ZBTB38: variants seen among roughly 807,000 people sequenced by gnomAD.
The protein encoded by ZBTB38 is zinc finger and BTB domain-containing protein 38.
In ZBTB38, 20 loss-of-function variants were observed where a neutral mutation model predicts 76.8. The observed-to-expected ratio is 0.26, with a 90% CI of 0.18 to 0.38. The LOEUF is 0.38. Ranked by LOEUF, ZBTB38 falls within the 10% of genes least tolerant of loss-of-function variation. The probability of loss-of-function intolerance (pLI) is 1.00; values close to 1 mark genes in which losing one functional copy is unlikely to be tolerated. For missense variants in ZBTB38, 1,082 were observed against 1,482.3 expected (o/e 0.73, Z 4.43); for synonymous variants, 504 against 544.2 (o/e 0.93, Z 1.03).
chr3:141,387,301 A>G (rs1441656039), intron 4 of ZBTB38: 2 of 152,098 alleles, frequency 1.3e-5, no homozygotes, highest in Non-Finnish European at 1.5e-5. Context: ...AAAAACAAAA[A>G]CAACAACAAC....
intron 1 of ZBTB38, among the ~76,000 whole-genome samples, chr3:141,351,971 T>C (rs1296811995): frequency 6.6e-6 from 1 of 152,096 alleles, no homozygotes; most frequent in Non-Finnish European, 1.5e-5. Context: ...GTTTTGTTTC[T>C]AGAGGTTTAC....
At chr3:141,338,293 CA>C (rs759922814) in intron 1 of ZBTB38, among the ~76,000 whole-genome samples, 1 of 151,740 alleles carries the variant, frequency 6.6e-6, no homozygotes, top group Non-Finnish European at 1.5e-5. Flanking sequence ...TTACTATACT[CA>C]AAAAAAATAC....
intron 5 of ZBTB38, among the ~76,000 whole-genome samples, chr3:141,437,921 AT>A (rs1448883773): frequency 1.3e-5 from 2 of 151,476 alleles, no homozygotes; most frequent in Admixed American, 6.6e-5. Flanking sequence ...TTATTTATTT[AT>A]TTTTTTTGAG....
intron 1 of ZBTB38, among the ~76,000 whole-genome samples, chr3:141,359,162 G>A (rs2148953740): frequency 6.6e-6 from 1 of 152,364 alleles, no homozygotes; most frequent in East Asian, 1.9e-4. Context: ...CAAGGACCCA[G>A]CTCTTCCACC....
chr3:141,347,269 T>G (rs572837728), intron 1 of ZBTB38, among the ~76,000 whole-genome samples: 1 of 152,336 alleles, frequency 6.6e-6, no homozygotes, highest in South Asian at 2.1e-4. Context: ...TGGGGTGATG[T>G]GCTTCTTGGT....
chr3:141,382,088 G>A (rs1417131410), intron 3 of ZBTB38, among the ~76,000 whole-genome samples: 1 of 152,182 alleles, frequency 6.6e-6, no homozygotes, highest in Non-Finnish European at 1.5e-5. Flanking sequence ...CTATTTGTGA[G>A]TTGAAAGTAG....
intron 2 of ZBTB38, among the ~76,000 whole-genome samples, chr3:141,378,590 A>G (rs372249210): frequency 1.3e-5 from 2 of 152,264 alleles, no homozygotes; most frequent in African/African-American, 2.4e-5. Context: ...TGTTAAAACT[A>G]TGTTTAAAAC....
At chr3:141,382,726 G>A (rs1432031490) in intron 3 of ZBTB38, among the ~76,000 whole-genome samples, 1 of 151,966 alleles carries the variant, frequency 6.6e-6, no homozygotes, top group Non-Finnish European at 1.5e-5. Context: ...CACCTGCTGG[G>A]CCCAGCCTGT....
At chr3:141,340,635 C>T (rs915380181) in intron 1 of ZBTB38, among the ~76,000 whole-genome samples, 9 of 152,228 alleles carry the variant, frequency 5.9e-5, no homozygotes, top group Middle Eastern at 3.4e-3. Flanking sequence ...TGGTGGCTCA[C>T]GCCTGTAATC....
intron 5 of ZBTB38, among the ~76,000 whole-genome samples, chr3:141,433,033 C>A (rs2077954828): frequency 6.6e-6 from 1 of 152,154 alleles, no homozygotes; most frequent in African/African-American, 2.4e-5. Context: ...GGTTTTTCAG[C>A]CATGTTCAAA....
intron 5 of ZBTB38, among the ~76,000 whole-genome samples, chr3:141,419,646 C>T (rs1279933480): frequency 1.3e-5 from 2 of 152,096 alleles, no homozygotes; most frequent in Admixed American, 6.5e-5. Flanking sequence ...TACAATTTCC[C>T]AGCCTGCAGT....
At position 141,383,076 on chromosome 3, in the gene ZBTB38, G is replaced by A. The variant is rs1018796147; in HGVS notation, c.-172+1589G>A. ...GGTTAGAATGAAATAAACATTGGAC[G>A]TGTAGCTAAAATATTGAGTATGTAG... On this transcript the variant is annotated intron_variant, in intron 3 of 5. Transcript: ENST00000321464. Among the ~76,000 whole-genome samples, 34 of 152,170 alleles carry A rather than the reference G, an allele frequency of 2.2e-4. 2 individuals are homozygous for A. The highest frequency in any genetic ancestry group is 2.1e-4 in the South Asian group (1 of 4,832).
At chr3:141,432,147 C>T (rs2077756899) in intron 5 of ZBTB38, 23 of 985,470 alleles carry the variant, frequency 2.3e-5, no homozygotes, top group Non-Finnish European at 2.7e-5. Flanking sequence ...GAAAACTTTC[C>T]GCAGGGAATA....
chr3:141,359,344 T>C (rs929591778), intron 1 of ZBTB38, among the ~76,000 whole-genome samples: 1 of 152,176 alleles, frequency 6.6e-6, no homozygotes, highest in Non-Finnish European at 1.5e-5. Context: ...CCAAGAAACT[T>C]CCCTTCATGT....
At chr3:141,378,047 G>A (rs749177186) in intron 2 of ZBTB38, among the ~76,000 whole-genome samples, 10 of 152,078 alleles carry the variant, frequency 6.6e-5, no homozygotes, top group East Asian at 1.9e-4. Flanking sequence ...ATATGTGGGC[G>A]TGCACCTGTG....
At chr3:141,360,691 C>A (rs987319848) in intron 1 of ZBTB38, among the ~76,000 whole-genome samples, 4 of 152,142 alleles carry the variant, frequency 2.6e-5, no homozygotes, top group Admixed American at 6.5e-5. Flanking sequence ...AGGATTTCTT[C>A]ACCTCGGCAC....
intron 1 of ZBTB38, among the ~76,000 whole-genome samples, chr3:141,359,492 T>G (rs1290471127): frequency 6.6e-6 from 1 of 152,168 alleles, no homozygotes; most frequent in East Asian, 1.9e-4. Context: ...TAGTGGCAAT[T>G]GTGTAGGCTA....
chr3:141,436,754 T>TC (rs2078902456), intron 5 of ZBTB38, among the ~76,000 whole-genome samples: 1 of 152,190 alleles, frequency 6.6e-6, no homozygotes, highest in African/African-American at 2.4e-5. Context: ...CACCTTGGCC[T>TC]CCCAAAGTGC....
intron 5 of ZBTB38, chr3:141,434,114 A>G: frequency 2.6e-6 from 2 of 783,786 alleles, no homozygotes; most frequent in Non-Finnish European, 3.1e-6. Flanking sequence ...GCTCATAGGG[A>G]AGATATAAAT....
Sources: gnomAD v4.1 joint callset for allele counts (sites outside exome capture counted in the v4.1 genomes callset) on GRCh38, gnomAD v4.1.1 for gene constraint, MANE v1.5 for transcripts, NCBI Gene and HGNC (gene_info 2026-07-23, HGNC 2026-07-21) for gene names.